VTA1: variants seen among roughly 807,000 people sequenced by gnomAD.
VTA1 encodes the protein vacuolar protein sorting-associated protein VTA1 homolog.
VTA1 carries 24 observed loss-of-function variants against 36.9 expected under a neutral mutation model. The ratio of observed to expected loss-of-function variants is 0.65; its 90% confidence interval spans 0.47 to 0.91. The LOEUF (loss-of-function observed/expected upper bound fraction) is 0.91. VTA1 is among the 40% of genes least tolerant of loss of function. The probability of loss-of-function intolerance (pLI) is 0.00; values close to 1 mark genes in which losing one functional copy is unlikely to be tolerated. For missense variants in VTA1, 393 were observed against 377.2 expected (o/e 1.04, Z -0.35); for synonymous variants, 142 against 130.2 (o/e 1.09, Z -0.62).
chr6:142,194,746 G>A (rs1775515468), intron 5 of VTA1, among the ~76,000 whole-genome samples: 1 of 151,826 alleles, frequency 6.6e-6, no homozygotes. Context: ...TTCTTTTCTT[G>A]ACTATTGTGC....
intron 7 of VTA1, among the ~76,000 whole-genome samples, chr6:142,213,894 A>C (rs1775953702): frequency 6.6e-6 from 1 of 152,066 alleles, no homozygotes; most frequent in South Asian, 2.1e-4. Context: ...GGTCTGTGAA[A>C]TGCCCTAGAG....
At chr6:142,212,578 C>G (rs1240467340) in intron 7 of VTA1, among the ~76,000 whole-genome samples, 5 of 151,876 alleles carry the variant, frequency 3.3e-5, no homozygotes, top group African/African-American at 1.2e-4. Context: ...TTGTATGACA[C>G]TGTGTTTTAG....
intron 4 of VTA1, among the ~76,000 whole-genome samples, chr6:142,173,665 C>G (rs146031616): frequency 2.0e-5 from 3 of 152,298 alleles, no homozygotes; most frequent in Non-Finnish European, 4.4e-5. Context: ...TTCCAGAACT[C>G]TTAAGTGAGT....
At chr6:142,210,630 C>T (rs1217580851) in intron 7 of VTA1, among the ~76,000 whole-genome samples, 2 of 152,090 alleles carry the variant, frequency 1.3e-5, no homozygotes, top group African/African-American at 4.8e-5. Context: ...TCTAACATTT[C>T]GTATATGAAG....
At chr6:142,209,079 C>G (rs1383385128) in intron 7 of VTA1, among the ~76,000 whole-genome samples, 1 of 152,000 alleles carries the variant, frequency 6.6e-6, no homozygotes, top group Non-Finnish European at 1.5e-5. Flanking sequence ...GTCAAATTAG[C>G]CTTGCTCACA....
Position 142,147,300 on chromosome 6 carries a change from G to T in VTA1, c.13G>T (p.Ala5Ser). The T allele has an allele frequency of 1.2e-6, 2 of 1,614,188 alleles. No homozygotes were observed. The highest frequency in any genetic ancestry group is 8.5e-7 in the Non-Finnish European group (1 of 1,180,026). Residue 5 changes from alanine (A) to serine (S), a missense_variant, in exon 1 of 8, where the codon GCA becomes TCA. Ala to Ser is a moderately conservative substitution (Grantham distance 99, BLOSUM62 1). Coordinates refer to ENST00000367630, the MANE Select transcript of VTA1 (RefSeq NM_016485.5). MAAL[A>S]PLPPLPAQFK... ...GTTCGGAGTAGAGATGGCCGCGCTT[G>T]CACCGCTGCCCCCGCTCCCCGCACA...
chr6:142,169,747 C>G, intron 3 of VTA1, 70 bp downstream of exon 3: 1 of 1,330,150 alleles, frequency 7.5e-7, no homozygotes, highest in Non-Finnish European at 9.8e-7. Flanking sequence ...AACTAGTTTT[C>G]TCTGGAACAC....
intron 5 of VTA1, among the ~76,000 whole-genome samples, chr6:142,197,662 G>A (rs1775579505): frequency 6.6e-6 from 1 of 152,158 alleles, no homozygotes; most frequent in African/African-American, 2.4e-5. Context: ...CTAGTACGCG[G>A]TAAATCTTAA....
intron 5 of VTA1, among the ~76,000 whole-genome samples, chr6:142,190,368 A>G (rs1308558919): frequency 1.3e-5 from 2 of 152,176 alleles, no homozygotes; most frequent in Non-Finnish European, 2.9e-5. Flanking sequence ...TTTACTACCA[A>G]GTAGAAACAT....
Position 142,219,137 on chromosome 6 carries a change from G to C in VTA1, c.*494G>C, listed in dbSNP as rs1776058211. 6.6e-6 allele frequency: 1 copy of C among 152,042 alleles called. No individual in the cohort carries two copies. The highest frequency in any genetic ancestry group is 1.5e-5 in the Non-Finnish European group (1 of 68,006). The allele number at this position is 152,042 out of a possible 1,614,324, so 9.4% of individuals were successfully genotyped here. On this transcript the variant is annotated 3_prime_UTR_variant, in exon 8 of 8. Transcript: ENST00000367630. ...CAAATATAAACATTCTAAACTGCTG[G>C]ATGAATCTGAAAAGACATTAAGTTC... is the stretch of plus-strand genomic sequence containing the variant.
intron 4 of VTA1, among the ~76,000 whole-genome samples, chr6:142,183,858 C>A (rs182397466): frequency 6.6e-6 from 1 of 152,230 alleles, no homozygotes; most frequent in Non-Finnish European, 1.5e-5. Flanking sequence ...AAATTAAATA[C>A]GTTGCTTTAC....
intron 6 of VTA1, among the ~76,000 whole-genome samples, chr6:142,200,484 G>A (rs225682): frequency 0.38 from 57,790 of 151,626 alleles, 13,183 homozygotes; most frequent in Middle Eastern, 0.54. Flanking sequence ...CAGAGTTGTG[G>A]TATAGGCACA....
chr6:142,173,006 T>C (rs1289282713), intron 4 of VTA1, among the ~76,000 whole-genome samples: 2 of 151,606 alleles, frequency 1.3e-5, no homozygotes, highest in African/African-American at 4.8e-5. Context: ...GATGATTAAC[T>C]ATGGGCCTTA....
At position 142,223,458 on chromosome 6, in the gene VTA1, G is replaced by A. The variant is rs560833776; in HGVS notation, c.*4815G>A. 3.3e-5 allele frequency: 5 copies of A among 152,114 alleles called. No individual in the cohort carries two copies. The highest frequency in any genetic ancestry group is 7.2e-5 in the African/African-American group (3 of 41,488). The allele number at this position is 152,114 out of a possible 1,614,324, so 9.4% of individuals were successfully genotyped here. On this transcript the variant is annotated 3_prime_UTR_variant, in exon 8 of 8. Coordinates refer to ENST00000367630, the MANE Select transcript of VTA1 (RefSeq NM_016485.5). ...TCTTCAGGAAATAAGATTGAGATAC[G>A]GACTGAAAATATAAAATTAGCAATA...
At chr6:142,155,022 C>G (rs1778637632) in intron 1 of VTA1, among the ~76,000 whole-genome samples, 1 of 152,010 alleles carries the variant, frequency 6.6e-6, no homozygotes, top group Non-Finnish European at 1.5e-5. Flanking sequence ...CAATTTCTTC[C>G]ATTAGAAAAA....
chr6:142,221,513 G>C lies in VTA1; in HGVS notation c.*2870G>C, dbSNP rs1182325086. 1 of 152,076 alleles carries C rather than the reference G, an allele frequency of 6.6e-6. No homozygotes were observed. Among genetic ancestry groups the C allele is most frequent in the African/African-American group, 2.4e-5 (1 of 41,404 alleles). 9.4% of individuals were successfully genotyped at this position (152,076 alleles called of 1,614,324 possible). A position where few individuals can be genotyped will look rare whatever the true frequency, so the allele number is the denominator to read the frequency against. On this transcript the variant is annotated 3_prime_UTR_variant, in exon 8 of 8. Transcript: ENST00000367630. ...CATAAAGCTTTTTTGTAAGACACTT[G>C]ACTGGGAGCTATATGGAAAGGTTTT...
At chr6:142,171,185 C>A (rs1775023595) in intron 4 of VTA1, among the ~76,000 whole-genome samples, 1 of 152,036 alleles carries the variant, frequency 6.6e-6, no homozygotes, top group African/African-American at 2.4e-5. Flanking sequence ...ACCTCCGCCT[C>A]CCAGGTTCAA....
intron 4 of VTA1, among the ~76,000 whole-genome samples, chr6:142,179,090 CA>C (rs1775177247): frequency 6.6e-6 from 1 of 151,668 alleles, no homozygotes; most frequent in South Asian, 2.1e-4. Context: ...CTATATGAAA[CA>C]AAAATCAACA....
At chr6:142,159,166 C>A (rs1234345719) in intron 1 of VTA1, among the ~76,000 whole-genome samples, 1 of 151,962 alleles carries the variant, frequency 6.6e-6, no homozygotes, top group African/African-American at 2.4e-5. Context: ...TGGAGACCAG[C>A]CTAGGCAACA....
Sources: allele counts gnomAD v4.1 joint callset (sites outside exome capture counted in the v4.1 genomes callset), GRCh38; gene constraint gnomAD v4.1.1; transcripts MANE v1.5; gene names NCBI Gene and HGNC (gene_info 2026-07-23, HGNC 2026-07-21).